The following SAMTOR variants were observed in gnomAD, a reference collection of about 807,000 sequenced individuals.
SAMTOR encodes S-adenosylmethionine sensor upstream of mTORC1.
the SAMTOR span, among the ~76,000 whole-genome samples, chr7:112,928,706 A>G: frequency 6.6e-6 from 1 of 152,002 alleles, no homozygotes; most frequent in Non-Finnish European, 1.5e-5. Flanking sequence ...CAGAATTTAA[A>G]TTTTTCACAA....
the SAMTOR span, among the ~76,000 whole-genome samples, chr7:112,838,992 A>G: frequency 1.3e-5 from 2 of 151,910 alleles, no homozygotes; most frequent in African/African-American, 4.8e-5. Flanking sequence ...AACAAAAAGC[A>G]TATCTAATAC....
chr7:112,897,796 CT>C, the SAMTOR span, among the ~76,000 whole-genome samples: 1 of 152,068 alleles, frequency 6.6e-6, no homozygotes, highest in African/African-American at 2.4e-5. Context: ...CAATCACCCC[CT>C]AGACCTGCAA....
the SAMTOR span, among the ~76,000 whole-genome samples, chr7:112,839,615 G>C: frequency 6.6e-6 from 1 of 151,672 alleles, no homozygotes; most frequent in South Asian, 2.1e-4. Flanking sequence ...TGTAATCACA[G>C]GGAGTTTTCT....
chr7:112,866,645 T>A, the SAMTOR span, among the ~76,000 whole-genome samples: 2 of 152,316 alleles, frequency 1.3e-5, no homozygotes, highest in South Asian at 4.1e-4. Flanking sequence ...AGAAGAGGGC[T>A]CTTCTACAGA....
At chr7:112,846,145 C>CCTTTTTTTTT in the SAMTOR span, among the ~76,000 whole-genome samples, 1 of 129,004 alleles carries the variant, frequency 7.8e-6, no homozygotes, top group Non-Finnish European at 1.6e-5. Context: ...ATCTGTACAA[C>CCTTTTTTTTT]TTTTTTTTTT....
the SAMTOR span, among the ~76,000 whole-genome samples, chr7:112,833,733 T>C: frequency 6.6e-6 from 1 of 152,208 alleles, no homozygotes; most frequent in Non-Finnish European, 1.5e-5. Context: ...CAATCACCAA[T>C]AACTTAATCA....
chr7:112,907,595 A>C, the SAMTOR span, among the ~76,000 whole-genome samples: 30 of 152,090 alleles, frequency 2.0e-4, no homozygotes, highest in African/African-American at 7.0e-4. Flanking sequence ...GCTCCAAAAA[A>C]ATCAAGAAAA....
At chr7:112,912,299 A>C in the SAMTOR span, among the ~76,000 whole-genome samples, 1 of 152,068 alleles carries the variant, frequency 6.6e-6, no homozygotes, top group Admixed American at 6.6e-5. Context: ...GAGCTAAAAA[A>C]GGCAAATTCC....
chr7:112,834,134 G>A, the SAMTOR span, among the ~76,000 whole-genome samples: 9 of 152,086 alleles, frequency 5.9e-5, no homozygotes, highest in African/African-American at 1.9e-4. Context: ...CTGCTGTACA[G>A]TAGTACACTT....
At chr7:112,921,251 A>G in the SAMTOR span, among the ~76,000 whole-genome samples, 10 of 152,350 alleles carry the variant, frequency 6.6e-5, no homozygotes, top group South Asian at 1.9e-3. Flanking sequence ...AAACAGAGAT[A>G]TAGATCAATG....
chr7:112,902,473 G>A, the SAMTOR span, among the ~76,000 whole-genome samples: 9 of 142,954 alleles, frequency 6.3e-5, no homozygotes, highest in African/African-American at 1.0e-4. Flanking sequence ...AAAAAAGTTG[G>A]TGGTTGCAGA....
At chr7:112,937,641 G>A in the SAMTOR span, among the ~76,000 whole-genome samples, 4 of 150,640 alleles carry the variant, frequency 2.7e-5, no homozygotes, top group African/African-American at 9.8e-5. Context: ...TCACTGATGG[G>A]GCTTTGTATA....
At chr7:112,844,756 A>C in the SAMTOR span, among the ~76,000 whole-genome samples, 1 of 152,160 alleles carries the variant, frequency 6.6e-6, no homozygotes, top group Non-Finnish European at 1.5e-5. Context: ...TTTAAAATTC[A>C]TATGAAACCC....
the SAMTOR span, among the ~76,000 whole-genome samples, chr7:112,876,809 C>CA: frequency 3.3e-5 from 5 of 152,270 alleles, 1 homozygote; most frequent in East Asian, 9.7e-4. Flanking sequence ...CTGTACTAGT[C>CA]ACTGTTTTCT....
the SAMTOR span, among the ~76,000 whole-genome samples, chr7:112,912,656 TTC>T: frequency 6.6e-6 from 1 of 152,060 alleles, no homozygotes; most frequent in Non-Finnish European, 1.5e-5. Flanking sequence ...GTTACATAAC[TTC>T]TCTTAGTATT....
chr7:112,880,054 G>A, the SAMTOR span, among the ~76,000 whole-genome samples: 1 of 152,084 alleles, frequency 6.6e-6, no homozygotes, highest in African/African-American at 2.4e-5. Context: ...TTTGAATGCT[G>A]TACCTCTGAC....
At chr7:112,881,770 A>G in the SAMTOR span, among the ~76,000 whole-genome samples, 20 of 152,132 alleles carry the variant, frequency 1.3e-4, no homozygotes, top group South Asian at 2.1e-4. Flanking sequence ...CTGTCACTCA[A>G]TAAAGCTCTT....
chr7:112,865,815 CAT>C, the SAMTOR span, among the ~76,000 whole-genome samples: 23 of 140,336 alleles, frequency 1.6e-4, no homozygotes, highest in Admixed American at 3.7e-4. Flanking sequence ...TATATTTATT[CAT>C]ATATATATAT....
At chr7:112,826,098 GTATCTATATTCATAAGGGA>G in the SAMTOR span, among the ~76,000 whole-genome samples, 3 of 151,982 alleles carry the variant, frequency 2.0e-5, no homozygotes, top group African/African-American at 7.2e-5. Flanking sequence ...TAGAACATCT[GTATCTATATTCATAAGGGA>G]TATGGATCTG....
Sources: allele counts gnomAD v4.1 joint callset (sites outside exome capture counted in the v4.1 genomes callset), GRCh38; gene constraint gnomAD v4.1.1; transcripts MANE v1.5; gene names NCBI Gene and HGNC (gene_info 2026-07-23, HGNC 2026-07-21).